NDUFAF6: variants seen among roughly 807,000 people sequenced by gnomAD.
NDUFAF6 encodes NADH dehydrogenase (ubiquinone) complex I, assembly factor 6.
In NDUFAF6, 45 loss-of-function variants were observed where a neutral mutation model predicts 40.8. The observed-to-expected ratio is 1.10, with a 90% CI of 0.87 to 1.42. The LOEUF is 1.42. Among genes scored for constraint, NDUFAF6 ranks in the 40% most tolerant of loss-of-function variants. The pLI, the probability that NDUFAF6 is intolerant of heterozygous loss-of-function variation, is 0.00. For missense variants in NDUFAF6, 435 were observed against 418.5 expected, an observed-to-expected ratio of 1.04 and a Z score of -0.34; for synonymous variants, 185 against 155.9, an observed-to-expected ratio of 1.19 and a Z score of -1.39.
intron 2 of NDUFAF6, among the ~76,000 whole-genome samples, chr8:95,018,073 G>A (rs540796369): frequency 1.3e-5 from 2 of 152,182 alleles, no homozygotes; most frequent in East Asian, 3.9e-4. Flanking sequence ...CTGAGACAGG[G>A]TGTCGTTCTT....
chr8:94,987,839 G>A (rs1188941312), intron 2 of NDUFAF6, among the ~76,000 whole-genome samples: 1 of 152,146 alleles, frequency 6.6e-6, no homozygotes, highest in Non-Finnish European at 1.5e-5. Flanking sequence ...CCTCCTCTTA[G>A]CCTGGCTTAC....
chr8:94,961,576 T>C (rs190962968), intron 1 of NDUFAF6, among the ~76,000 whole-genome samples: 183 of 152,236 alleles, frequency 1.2e-3, no homozygotes, highest in African/African-American at 4.1e-3. Context: ...CGCGTACCAC[T>C]ACACCTGGCT....
chr8:94,959,493 G>T (rs1468382819), intron 1 of NDUFAF6, among the ~76,000 whole-genome samples: 1 of 151,836 alleles, frequency 6.6e-6, no homozygotes, highest in East Asian at 1.9e-4. Context: ...TTGAATCCCT[G>T]ACTTAGCATT....
intron 1 of NDUFAF6, chr8:94,929,328 C>A (rs1041518061): frequency 6.6e-6 from 1 of 151,804 alleles, no homozygotes; most frequent in Admixed American, 6.6e-5. Context: ...GAAACAGAGG[C>A]CAGAGTGGTT....
rs190607796 is a variant in NDUFAF6, at chr8:95,000,590, G to A, written c.-84+19617G>A. On this transcript the variant is annotated intron_variant, in intron 2 of 9. Transcript: ENST00000396111. ...AATCTAAAAGTAAAATATGCTTATT[G>A]TAAAAAAATTCAAACTATATAAAAA... is the stretch of plus-strand genomic sequence containing the variant. Among the ~76,000 whole-genome samples the A allele has an allele frequency of 6.2e-3, 912 of 147,418 alleles. 7 individuals are homozygous for A. Among genetic ancestry groups the A allele is most frequent in the African/African-American group, 0.022 (871 of 39,830 alleles).
intron 2 of NDUFAF6, among the ~76,000 whole-genome samples, chr8:95,083,040 C>T (rs1808929759): frequency 6.6e-6 from 1 of 152,196 alleles, no homozygotes; most frequent in African/African-American, 2.4e-5. Flanking sequence ...CTCAGCCTCC[C>T]AAAGTGCTGG....
intron 1 of NDUFAF6, among the ~76,000 whole-genome samples, chr8:94,937,440 CA>C (rs1173351669): frequency 3.2e-3 from 298 of 93,640 alleles, no homozygotes; most frequent in East Asian, 6.1e-3. Flanking sequence ...GACTCCATCT[CA>C]AAAAAAAAAA....
chr8:94,998,046 C>T (rs1198279766), intron 2 of NDUFAF6, among the ~76,000 whole-genome samples: 1 of 152,148 alleles, frequency 6.6e-6, no homozygotes, highest in African/African-American at 2.4e-5. Context: ...TCTTCTCCTT[C>T]TTGCTCTCAA....
chr8:95,064,452 A>T (rs944489558), intron 9 of NDUFAF6, among the ~76,000 whole-genome samples: 6 of 152,194 alleles, frequency 3.9e-5, no homozygotes, highest in Non-Finnish European at 7.3e-5. Context: ...GGGAAAAAAT[A>T]AACACAAAAG....
chr8:95,043,716 A>C (rs1830403700), intron 4 of NDUFAF6, among the ~76,000 whole-genome samples: 1 of 152,230 alleles, frequency 6.6e-6, no homozygotes, highest in Admixed American at 6.5e-5. Context: ...GATAAAAAAG[A>C]AAAAAGATGC....
At chr8:95,084,612 C>T (rs1808980501) in intron 2 of NDUFAF6, among the ~76,000 whole-genome samples, 1 of 152,202 alleles carries the variant, frequency 6.6e-6, no homozygotes, top group Admixed American at 6.5e-5. Flanking sequence ...TGCTATTCAG[C>T]ATCCTTGGGT....
At chr8:95,030,214 ATTATTTAT>A (rs763490509) in intron 1 of NDUFAF6, among the ~76,000 whole-genome samples, 57 of 150,702 alleles carry the variant, frequency 3.8e-4, no homozygotes, top group African/African-American at 1.0e-3. Context: ...AATTGTTACT[ATTATTTAT>A]TTATTTATTT....
upstream of NDUFAF6, among the ~76,000 whole-genome samples, chr8:95,096,723 G>A (rs77185662): frequency 7.2e-3 from 1,090 of 152,216 alleles, 11 homozygotes; most frequent in African/African-American, 0.025. Flanking sequence ...AAAGCAGATC[G>A]TATCACCATG....
At chr8:95,080,481 T>TGTAGTGATTTTTG (rs1369792966), downstream of NDUFAF6, among the ~76,000 whole-genome samples, 1 of 139,812 alleles carries the variant, frequency 7.2e-6, no homozygotes. Context: ...AGTGTATTTT[T>TGTAGTGATTTTTG]GTAGTGATTT....
intron 1 of NDUFAF6, among the ~76,000 whole-genome samples, chr8:94,980,479 C>G (rs1365118724): frequency 7.3e-6 from 1 of 136,332 alleles, no homozygotes; most frequent in Non-Finnish European, 1.5e-5. Flanking sequence ...GAGTCTGGCT[C>G]TGTCACTGAA....
chr8:94,912,908 G>C (rs1002243400), intron 1 of NDUFAF6, among the ~76,000 whole-genome samples: 2 of 152,308 alleles, frequency 1.3e-5, no homozygotes, highest in East Asian at 3.9e-4. Flanking sequence ...GAACCTGGGA[G>C]GGGGAGGTTG....
At chr8:94,935,134 TAG>T (rs1820844165) in intron 1 of NDUFAF6, among the ~76,000 whole-genome samples, 1 of 145,820 alleles carries the variant, frequency 6.9e-6, no homozygotes, top group African/African-American at 2.6e-5. Context: ...TAGATATAGA[TAG>T]ATAGATAGAT....
upstream of NDUFAF6, among the ~76,000 whole-genome samples, chr8:95,097,808 A>T (rs1436574642): frequency 6.6e-6 from 1 of 152,230 alleles, no homozygotes; most frequent in Non-Finnish European, 1.5e-5. Context: ...CTCCCAAACG[A>T]CCTAACTTCT....
chr8:95,011,856 A>G (rs757835989), intron 2 of NDUFAF6, among the ~76,000 whole-genome samples: 17 of 152,212 alleles, frequency 1.1e-4, no homozygotes, highest in Non-Finnish European at 4.4e-5. Context: ...TCAAAAGTCT[A>G]GTAAGTATCT....
Sources: allele counts gnomAD v4.1 joint callset (sites outside exome capture counted in the v4.1 genomes callset), GRCh38; gene constraint gnomAD v4.1.1; transcripts MANE v1.5; gene names NCBI Gene and HGNC (gene_info 2026-07-23, HGNC 2026-07-21).